PRMT3: variants seen among roughly 807,000 people sequenced by gnomAD.
PRMT3 encodes protein arginine N-methyltransferase 3.
Under a neutral mutation model 71.9 loss-of-function variants are expected in PRMT3, and 62 were observed. That is an observed-to-expected ratio of 0.86 (90% confidence interval 0.70 to 1.07). PRMT3 has a LOEUF of 1.07. Among genes scored for constraint, PRMT3 ranks in the 50% least tolerant of loss-of-function variants. The pLI is 0.00. For missense variants in PRMT3, 663 were observed against 643.0 expected (o/e 1.03, Z -0.34); for synonymous variants, 213 against 220.4 (o/e 0.97, Z 0.30).
chr11:20,428,891 A>T (rs1849600340), intron 10 of PRMT3, among the ~76,000 whole-genome samples: 1 of 152,134 alleles, frequency 6.6e-6, no homozygotes, highest in South Asian at 2.1e-4. Context: ...TTCCCACCGA[A>T]CAGGCATGCT....
chr11:20,397,486 C>G (rs2133304941), intron 6 of PRMT3, 91 bp from the exon 7 acceptor site: 2 of 1,310,952 alleles, frequency 1.5e-6, no homozygotes, highest in Non-Finnish European at 2.1e-6. Context: ...ACACTGTACT[C>G]CCTCCCCTTT....
At chr11:20,499,713 G>C (rs1277538622) in intron 15 of PRMT3, among the ~76,000 whole-genome samples, 1 of 152,074 alleles carries the variant, frequency 6.6e-6, no homozygotes, top group Non-Finnish European at 1.5e-5. Flanking sequence ...TGAGATGATA[G>C]ACTTAAATTC....
chr11:20,496,764 A>G (rs533931979), intron 15 of PRMT3, among the ~76,000 whole-genome samples: 2 of 152,318 alleles, frequency 1.3e-5, no homozygotes, highest in African/African-American at 2.4e-5. Context: ...TCTGTTTTAA[A>G]TATTTCATAA....
chr11:20,408,041 ATT>A lies in PRMT3; in HGVS notation c.893+12_893+13del, dbSNP rs1349275917. ...GCAATGGATATTATAAGGTACATATATTTTAAGCCTTCATTTAAGATTATTTT... is the reference window on the plus strand; with the variant it reads ...GCAATGGATATTATAAGGTACATATATTAAGCCTTCATTTAAGATTATTTT... On this transcript the variant is annotated intron_variant, in intron 9 of 15. Coordinates refer to ENST00000331079, the MANE Select transcript of PRMT3 (RefSeq NM_005788.4). The A allele has an allele frequency of 6.6e-7, 1 of 1,505,900 alleles. No homozygotes were observed. The highest frequency in any genetic ancestry group is 9.0e-7 in the Non-Finnish European group (1 of 1,111,900). 93.3% of individuals were successfully genotyped at this position (1,505,900 alleles called of 1,614,324 possible). A position where few individuals can be genotyped will look rare whatever the true frequency, so the allele number is the denominator to read the frequency against.
At chr11:20,484,680 CTCTT>C (rs1255868176) in intron 13 of PRMT3, among the ~76,000 whole-genome samples, 4 of 152,164 alleles carry the variant, frequency 2.6e-5, no homozygotes, top group African/African-American at 7.2e-5. Flanking sequence ...CCCATTAAAC[CTCTT>C]TCTTTTGTAA....
At chr11:20,423,437 G>A (rs915166544) in intron 9 of PRMT3, among the ~76,000 whole-genome samples, 3 of 152,104 alleles carry the variant, frequency 2.0e-5, no homozygotes, top group Admixed American at 1.3e-4. Context: ...GCTGGAACAC[G>A]GCTGGGCCTT....
At chr11:20,491,504 A>G (rs944923940) in intron 13 of PRMT3, among the ~76,000 whole-genome samples, 1 of 152,186 alleles carries the variant, frequency 6.6e-6, no homozygotes, top group African/African-American at 2.4e-5. Flanking sequence ...ATCAGACCAT[A>G]AGTTCTGTCT....
At chr11:20,501,789 T>G (rs530223197) in intron 15 of PRMT3, among the ~76,000 whole-genome samples, 3 of 152,204 alleles carry the variant, frequency 2.0e-5, no homozygotes, top group Non-Finnish European at 2.9e-5. Context: ...GTACAAACTT[T>G]TATTGTAAGT....
intron 13 of PRMT3, among the ~76,000 whole-genome samples, chr11:20,491,522 C>T (rs1483331464): frequency 3.3e-5 from 5 of 152,172 alleles, no homozygotes; most frequent in Non-Finnish European, 5.9e-5. Flanking sequence ...TCTTAGTGTC[C>T]GAGCAGACAG....
chr11:20,463,128 T>C (rs1335779916), intron 12 of PRMT3, among the ~76,000 whole-genome samples: 1 of 152,230 alleles, frequency 6.6e-6, no homozygotes, highest in Non-Finnish European at 1.5e-5. Flanking sequence ...CCTCCCGAAG[T>C]GCTGTCTTCT....
At chr11:20,414,737 C>G (rs1849264950) in intron 9 of PRMT3, among the ~76,000 whole-genome samples, 1 of 152,080 alleles carries the variant, frequency 6.6e-6, no homozygotes, top group South Asian at 2.1e-4. Context: ...GCAGTACACT[C>G]AATCTCAGTT....
At chr11:20,493,093 G>A (rs1590108442) in intron 13 of PRMT3, among the ~76,000 whole-genome samples, 1 of 151,332 alleles carries the variant, frequency 6.6e-6, no homozygotes. Flanking sequence ...GTTGCAATGA[G>A]CTGAGATCCC....
chr11:20,437,268 C>T (rs1849780092), intron 10 of PRMT3, among the ~76,000 whole-genome samples: 1 of 151,844 alleles, frequency 6.6e-6, no homozygotes, highest in Non-Finnish European at 1.5e-5. Context: ...TTGTTCATTT[C>T]TGCTCTGACC....
At chr11:20,507,408 A>G (rs908481569) in intron 15 of PRMT3, among the ~76,000 whole-genome samples, 2 of 152,180 alleles carry the variant, frequency 1.3e-5, no homozygotes, top group African/African-American at 4.8e-5. Context: ...ACCCTTTATG[A>G]CCACAATAGT....
rs1850393890 is a variant in PRMT3, at chr11:20,461,983, A to G, written c.1076A>G (p.Tyr359Cys). 6.3e-7 allele frequency: 1 copy of G among 1,576,514 alleles called. No homozygotes were observed. The highest frequency in any genetic ancestry group is 8.7e-7 in the Non-Finnish European group (1 of 1,155,576). The change falls in exon 12 of 16, where the codon TAC (tyrosine) becomes TGC (cysteine). Residue 359 changes from tyrosine (Y) to cysteine (C), a missense_variant. By Grantham distance (194) the Tyr-to-Cys change is radical (BLOSUM62 -2). Transcript: ENST00000331079. ...TTGGGCATTTTGTTTGTTACAGTCT[A>G]CCCTGACATTTGCACTATCAGCCTT... Reference protein sequence around the residue: ...NKYLAKGGSVYPDICTISLVA... With the variant: ...NKYLAKGGSVCPDICTISLVA...
intron 11 of PRMT3, among the ~76,000 whole-genome samples, chr11:20,455,544 C>T (rs1268063329): frequency 1.3e-5 from 2 of 152,010 alleles, no homozygotes; most frequent in Non-Finnish European, 1.5e-5. Context: ...ATAAATTATA[C>T]TTCAGAAAAG....
intron 13 of PRMT3, among the ~76,000 whole-genome samples, chr11:20,474,473 C>T (rs1850729834): frequency 6.6e-6 from 1 of 152,196 alleles, no homozygotes; most frequent in African/African-American, 2.4e-5. Flanking sequence ...TGCCAGGAAT[C>T]CTGGGGCCAG....
intron 15 of PRMT3, among the ~76,000 whole-genome samples, chr11:20,505,770 A>G (rs1176422843): frequency 1.3e-5 from 2 of 152,148 alleles, no homozygotes; most frequent in African/African-American, 4.8e-5. Context: ...TGCCTTAGAT[A>G]AGAAAACGTG....
intron 5 of PRMT3, among the ~76,000 whole-genome samples, chr11:20,394,298 A>C (rs537155150): frequency 2.6e-5 from 4 of 152,338 alleles, no homozygotes; most frequent in Admixed American, 6.5e-5. Flanking sequence ...CTTTGTAGAG[A>C]AGTGAAATTA....
Sources: allele counts gnomAD v4.1 joint callset (sites outside exome capture counted in the v4.1 genomes callset), GRCh38; gene constraint gnomAD v4.1.1; transcripts MANE v1.5; gene names NCBI Gene and HGNC (gene_info 2026-07-23, HGNC 2026-07-21).